Variants in IKZF2 observed in about 807,000 individuals in gnomAD.
IKZF2 encodes IKAROS family zinc finger 2.
IKZF2 carries 15 observed loss-of-function variants against 49.2 expected under a neutral mutation model. That is an observed-to-expected ratio of 0.30 (90% CI 0.20 to 0.47). The LOEUF (loss-of-function observed/expected upper bound fraction) is 0.47. IKZF2 is among the 20% of genes least tolerant of loss of function. The pLI is 1.00. For synonymous variants in IKZF2, 227 were observed against 221.4 expected (o/e 1.03, Z -0.23); for missense variants, 567 against 664.6 (o/e 0.85, Z 1.61).
intron 4 of IKZF2, among the ~76,000 whole-genome samples, chr2:213,058,099 T>C (rs1407974387): frequency 6.6e-6 from 1 of 152,124 alleles, no homozygotes; most frequent in Admixed American, 6.6e-5. Flanking sequence ...AGAGGAAATA[T>C]TTTCATAAAA....
intron 6 of IKZF2, among the ~76,000 whole-genome samples, chr2:213,036,136 T>C (rs1015641987): frequency 4.6e-5 from 7 of 152,180 alleles, no homozygotes; most frequent in African/African-American, 1.7e-4. Flanking sequence ...TATAAGAGCA[T>C]GATACAATTC....
intron 7 of IKZF2, 78 bp from the exon 8 acceptor site, chr2:213,014,012 C>A: frequency 7.4e-7 from 1 of 1,350,700 alleles, no homozygotes; most frequent in Non-Finnish European, 1.0e-6. Flanking sequence ...TATGCCATCT[C>A]GATATGTGTT....
chr2:213,086,533 G>A (rs930032405), intron 4 of IKZF2, among the ~76,000 whole-genome samples: 3 of 152,174 alleles, frequency 2.0e-5, no homozygotes, highest in Non-Finnish European at 2.9e-5. Context: ...TAGTTCAGGT[G>A]AGTATGATTA....
At chr2:213,144,013 G>C (rs1044679005) in intron 4 of IKZF2, among the ~76,000 whole-genome samples, 4 of 151,796 alleles carry the variant, frequency 2.6e-5, no homozygotes, top group African/African-American at 4.8e-5. Flanking sequence ...GAGGTAAATT[G>C]ATTTCTTCAA....
intron 4 of IKZF2, among the ~76,000 whole-genome samples, chr2:213,084,652 C>T (rs1704362322): frequency 1.3e-5 from 2 of 151,332 alleles, no homozygotes; most frequent in South Asian, 4.2e-4. Flanking sequence ...TAAGTATTTT[C>T]TGTTACTATT....
At chr2:213,064,248 A>T (rs922456553) in intron 4 of IKZF2, among the ~76,000 whole-genome samples, 1 of 152,048 alleles carries the variant, frequency 6.6e-6, no homozygotes, top group African/African-American at 2.4e-5. Context: ...CCAATAGTTT[A>T]TGAAGGATAG....
chr2:213,052,618 A>T (rs1415260079), intron 5 of IKZF2, among the ~76,000 whole-genome samples: 2 of 152,090 alleles, frequency 1.3e-5, no homozygotes, highest in Non-Finnish European at 2.9e-5. Flanking sequence ...TGAAACCCTC[A>T]AAGACAATAC....
chr2:213,134,988 C>T (rs2060605488), intron 4 of IKZF2, among the ~76,000 whole-genome samples: 1 of 152,160 alleles, frequency 6.6e-6, no homozygotes, highest in South Asian at 2.1e-4. Context: ...CTCTATACTT[C>T]ACAGCTCTGC....
chr2:213,147,899 T>C (rs1216504626), intron 3 of IKZF2, 87 bp from the exon 4 acceptor site: 10 of 867,692 alleles, frequency 1.2e-5, no homozygotes, highest in Non-Finnish European at 1.7e-5. Flanking sequence ...CGCAATGGCA[T>C]GCATAGCCTT....
chr2:213,077,779 G>A (rs572484967), intron 4 of IKZF2, among the ~76,000 whole-genome samples: 145 of 151,818 alleles, frequency 9.6e-4, no homozygotes, highest in Non-Finnish European at 1.8e-3. Context: ...TAGTAGAGAC[G>A]GGGTTTCACC....
rs973432841 is a variant in IKZF2 at position 213,001,144 on chromosome 2, CTT to C, written c.*6214_*6215del. ...TTGTACAGAAAGAAAAGAATAGTATCTTTTTAACTAATAGCAGAAGCAATCAT... is the reference window on the plus strand; with the variant it reads ...TTGTACAGAAAGAAAAGAATAGTATCTTTAACTAATAGCAGAAGCAATCAT... On this transcript the variant is annotated 3_prime_UTR_variant, in exon 9 of 9. Transcript: ENST00000434687. 6.6e-6 allele frequency: 1 copy of C among 151,832 alleles called. No individual in the cohort carries two copies. Among genetic ancestry groups the C allele is most frequent in the African/African-American group, 2.4e-5 (1 of 41,370 alleles). The allele number at this position is 151,832 out of a possible 1,614,324, so 9.4% of individuals were successfully genotyped here.
chr2:213,030,872 C>T (rs1698351786), intron 6 of IKZF2, among the ~76,000 whole-genome samples: 2 of 146,336 alleles, frequency 1.4e-5, no homozygotes, highest in South Asian at 4.2e-4. Context: ...GACTGGAGGG[C>T]AGGAGTGCAC....
At chr2:213,151,743 G>C (rs1006831740), upstream of IKZF2, 1 of 143,342 alleles carries the variant, frequency 7.0e-6, no homozygotes. Context: ...CGGCGGCGGC[G>C]GGCGGCTGGC....
chr2:213,057,374 C>A (rs544084418), intron 4 of IKZF2, among the ~76,000 whole-genome samples: 1 of 152,218 alleles, frequency 6.6e-6, no homozygotes, highest in East Asian at 1.9e-4. Flanking sequence ...GCTTTTTAAA[C>A]AAGTTTTTTT....
intron 4 of IKZF2, among the ~76,000 whole-genome samples, chr2:213,115,791 T>C (rs1312295948): frequency 2.6e-5 from 4 of 152,184 alleles, no homozygotes; most frequent in Non-Finnish European, 4.4e-5. Flanking sequence ...AAACACCAAA[T>C]GTCAGTAAAC....
intron 4 of IKZF2, among the ~76,000 whole-genome samples, chr2:213,077,936 A>C (rs1363486713): frequency 6.6e-6 from 1 of 152,052 alleles, no homozygotes; most frequent in Non-Finnish European, 1.5e-5. Context: ...AGTTTGGAAG[A>C]TAAAATTCTA....
In IKZF2 at chr2:213,056,893, C is replaced by T. The variant is rs762411381; in HGVS notation, c.346G>A (p.Val116Ile). 1.4e-5 allele frequency: 22 copies of T among 1,613,746 alleles called. No homozygotes were observed. In the East Asian group the frequency reaches 2.5e-4, roughly 18 times the overall value. ...RLPNGKLKCD[V>I]CGMVCIGPNV... is the part of the protein sequence containing the mutation. ...GGCCCAATGCAAACCATGCCACAGACGTCACATTTCAGTTTACCATTCGGA... is the reference window on the plus strand; with the variant it reads ...GGCCCAATGCAAACCATGCCACAGATGTCACATTTCAGTTTACCATTCGGA... Residue 116 changes from valine (V) to isoleucine (I), a missense_variant, in exon 5 of 9, where the codon GTC becomes ATC. By Grantham distance (29) the Val-to-Ile change is conservative. Transcript: ENST00000434687.
intron 4 of IKZF2, among the ~76,000 whole-genome samples, chr2:213,087,028 T>A (rs2125610181): frequency 6.6e-6 from 1 of 152,232 alleles, no homozygotes; most frequent in African/African-American, 2.4e-5. Flanking sequence ...TAATATATAT[T>A]TACTCTATTC....
chr2:213,070,552 A>G (rs146641165), intron 4 of IKZF2, among the ~76,000 whole-genome samples: 15 of 152,272 alleles, frequency 9.9e-5, no homozygotes, highest in Non-Finnish European at 2.1e-4. Context: ...AAAACAAATA[A>G]GCAAATCAAT....
Sources: gnomAD v4.1 joint callset for allele counts (sites outside exome capture counted in the v4.1 genomes callset) on GRCh38, gnomAD v4.1.1 for gene constraint, MANE v1.5 for transcripts, NCBI Gene and HGNC (gene_info 2026-07-23, HGNC 2026-07-21) for gene names.